The following APC variants were observed in gnomAD, a reference collection of about 807,000 sequenced individuals.
APC encodes APC regulator of Wnt signaling pathway, also known as adenomatous polyposis coli protein.
A neutral mutation model predicts 247.0 loss-of-function variants in APC; 72 were observed. The observed-to-expected ratio is 0.29, with a 90% CI of 0.24 to 0.35. The LOEUF is 0.35. APC is among the 10% of genes least tolerant of loss of function. The pLI is 1.00. For synonymous variants in APC, 1,254 were observed against 1,162.5 expected (o/e 1.08, Z -1.60); for missense variants, 3,400 against 3,360.7 (o/e 1.01, Z -0.29).
intron 6 of APC, among the ~76,000 whole-genome samples, chr5:112,784,605 A>T (rs1758736201): frequency 6.6e-6 from 1 of 152,000 alleles, no homozygotes; most frequent in Non-Finnish European, 1.5e-5. Flanking sequence ...TAGTGGGAAT[A>T]TGGTAGCCAA....
chr5:112,773,798 G>C (rs1757306971), intron 4 of APC, among the ~76,000 whole-genome samples: 1 of 151,928 alleles, frequency 6.6e-6, no homozygotes, highest in African/African-American at 2.4e-5. Context: ...TATAGAAAAG[G>C]TCCTACAAAT....
intron 1 of APC, among the ~76,000 whole-genome samples, chr5:112,739,317 C>G (rs542695684): frequency 1.3e-4 from 20 of 152,276 alleles, no homozygotes; most frequent in Non-Finnish European, 2.9e-4. Context: ...TCCCCACTCC[C>G]TGAACAAGGA....
At chr5:112,821,452 A>T (rs889732641) in intron 10 of APC, among the ~76,000 whole-genome samples, 12 of 151,204 alleles carry the variant, frequency 7.9e-5, no homozygotes, top group Non-Finnish European at 1.8e-4. Context: ...GGCTGCGGTG[A>T]AAGCTATGAT....
At chr5:112,798,018 T>C (rs1760394168) in intron 7 of APC, among the ~76,000 whole-genome samples, 1 of 152,178 alleles carries the variant, frequency 6.6e-6, no homozygotes, top group Non-Finnish European at 1.5e-5. Flanking sequence ...AGTTGAGTGA[T>C]TCCTCAAAAT....
In APC at chr5:112,821,788, C is replaced by T. The variant is rs529267642; in HGVS notation, c.1313-108C>T. ...AATATTTGTTGATCCACTAAAATTC[C>T]GTGAATTAGGGTTATATTAGTGATC... On this transcript the variant is annotated intron_variant, in intron 10 of 15. Coordinates refer to ENST00000257430, the MANE Select transcript of APC (RefSeq NM_000038.6). The T allele has an allele frequency of 3.2e-5, 27 of 832,404 alleles. No individual in the cohort carries two copies. The East Asian group carries it at 3.9e-4, about 12-fold the overall frequency. The allele number at this position is 832,404 out of a possible 1,614,324, so 51.6% of individuals were successfully genotyped here. A position where few individuals can be genotyped will look rare whatever the true frequency, so the allele number is the denominator to read the frequency against.
At chr5:112,768,068 A>G (rs1223720124) in intron 4 of APC, among the ~76,000 whole-genome samples, 3 of 135,064 alleles carry the variant, frequency 2.2e-5, no homozygotes, top group African/African-American at 8.3e-5. Flanking sequence ...TTTGAGATGC[A>G]GTTTCACTTT....
intron 1 of APC, among the ~76,000 whole-genome samples, chr5:112,746,108 A>T (rs923970601): frequency 1.3e-5 from 2 of 152,066 alleles, no homozygotes; most frequent in African/African-American, 4.8e-5. Flanking sequence ...AATATATACA[A>T]CTCTGACAAT....
At chr5:112,806,583 T>TTG (rs1561523164) in intron 8 of APC, among the ~76,000 whole-genome samples, 215 of 151,462 alleles carry the variant, frequency 1.4e-3, no homozygotes, top group African/African-American at 5.1e-3. Flanking sequence ...TTTATTTATT[T>TTG]ATTTATTTAT....
intron 5 of APC, among the ~76,000 whole-genome samples, chr5:112,778,958 CTGAAAGAGAGAAAACCGTTT>C (rs936598438): frequency 4.5e-4 from 69 of 152,240 alleles, no homozygotes; most frequent in African/African-American, 1.6e-3. Flanking sequence ...AAGGTAAAAA[CTGAAAGAGAGAAAACCGTTT>C]TGAAAACATG....
intron 8 of APC, among the ~76,000 whole-genome samples, chr5:112,814,283 C>A (rs992922696): frequency 2.6e-5 from 4 of 152,170 alleles, no homozygotes; most frequent in African/African-American, 9.7e-5. Flanking sequence ...TGCAACCCCA[C>A]CTCCTGTCCA....
chr5:112,808,908 T>G (rs1315475652), intron 8 of APC, among the ~76,000 whole-genome samples: 1 of 152,184 alleles, frequency 6.6e-6, no homozygotes. Flanking sequence ...AGTCGAGAAT[T>G]ACTCGCAGGT....
At chr5:112,815,250 T>G (rs1762375738) in intron 8 of APC, among the ~76,000 whole-genome samples, 1 of 152,220 alleles carries the variant, frequency 6.6e-6, no homozygotes, top group Non-Finnish European at 1.5e-5. Context: ...TCTTCAGTCT[T>G]TGGTTAAGTC....
At position 112,818,598 on chromosome 5, in the gene APC, A is replaced by T. The variant is rs952620213; in HGVS notation, c.934-368A>T. Among the ~76,000 whole-genome samples the T allele has an allele frequency of 2.8e-4, 42 of 152,318 alleles. No individual in the cohort carries two copies. The highest frequency in any genetic ancestry group is 3.4e-3 in the Middle Eastern group (1 of 294). ...TTATGTAAAGATTTAGATAAACTAC[A>T]TTCTCTATGTGTGTGAAATCCGTTG... On this transcript the variant is annotated intron_variant, in intron 9 of 15. Coordinates refer to ENST00000257430, the MANE Select transcript of APC (RefSeq NM_000038.6).
At chr5:112,785,756 T>A (rs1428941637) in intron 6 of APC, among the ~76,000 whole-genome samples, 2 of 152,204 alleles carry the variant, frequency 1.3e-5, no homozygotes, top group Non-Finnish European at 2.9e-5. Context: ...CAATAAATTA[T>A]ATAGGTACAA....
chr5:112,762,969 C>T (rs549006562), intron 2 of APC, among the ~76,000 whole-genome samples: 31 of 152,270 alleles, frequency 2.0e-4, no homozygotes, highest in Non-Finnish European at 4.1e-4. Flanking sequence ...TAAATTTACA[C>T]AGATTTTGTT....
chr5:112,829,395 C>A (rs978190893), intron 14 of APC: 17 of 186,806 alleles, frequency 9.1e-5, no homozygotes, highest in Non-Finnish European at 1.8e-4. Context: ...CTCGGCCTCC[C>A]AAAGTGCTGG....
Position 112,839,646 on chromosome 5 carries a change from C to G in APC, c.4052C>G (p.Ala1351Gly), listed in dbSNP as rs2149905045. The G allele has an allele frequency of 6.2e-7, 1 of 1,614,154 alleles. No homozygotes were observed. ...SLSSESARHK[A>G]VEFSSGAKSP... ...TCTTCAGAATCAGCCAGGCACAAAG[C>G]TGTTGAATTTTCTTCAGGAGCGAAA... The change falls in exon 16 of 16, where the codon GCT (alanine) becomes GGT (glycine). Residue 1351 changes from alanine (A) to glycine (G), a missense_variant. Physicochemically the swap from Ala to Gly is moderately conservative, Grantham distance 60. Transcript: ENST00000257430. This position sits in a 1 kb window ranked among gnomAD's most constrained non-coding sequence, Gnocchi z 5.0.
chr5:112,840,124 C>T lies in APC; in HGVS notation c.4530C>T (p.Ser1510=), dbSNP rs779795006. 6.2e-7 allele frequency: 1 copy of T among 1,613,928 alleles called. No individual in the cohort carries two copies. Among genetic ancestry groups the T allele is most frequent in the East Asian group, 2.2e-5 (1 of 44,888 alleles). Residue 1510 remains serine (S), a synonymous_variant, in exon 16 of 16, where the codon AGC becomes AGT. Coordinates refer to ENST00000257430, the MANE Select transcript of APC (RefSeq NM_000038.6). The surrounding 1 kb of genome is among the most constrained non-coding windows in gnomAD (Gnocchi z 4.1). ...FSCSSSLSAL[S]LDEPFIQKDV... is the part of the protein sequence containing the mutation. The stretch of plus-strand genomic sequence containing the variant: ...GTTCATCCAGCCTGAGTGCTCTGAG[C>T]CTCGATGAGCCATTTATACAGAAAG...
intron 6 of APC, among the ~76,000 whole-genome samples, chr5:112,789,333 G>C (rs1377912864): frequency 1.3e-5 from 2 of 152,130 alleles, no homozygotes; most frequent in African/African-American, 4.8e-5. Flanking sequence ...AAAGTTTCCT[G>C]TTTTGGAGCA....
Sources: gnomAD v4.1 joint callset for allele counts (sites outside exome capture counted in the v4.1 genomes callset) on GRCh38, gnomAD v4.1.1 for gene constraint, Gnocchi (gnomAD v3.1) non-coding constraint, MANE v1.5 for transcripts, NCBI Gene and HGNC (gene_info 2026-07-23, HGNC 2026-07-21) for gene names.